The following GPHN variants were observed in gnomAD, a reference collection of about 807,000 sequenced individuals.
GPHN encodes gephyrin.
A neutral mutation model predicts 95.5 loss-of-function variants in GPHN; 17 were observed. That is an observed-to-expected ratio of 0.18 (90% CI 0.12 to 0.27). The LOEUF (loss-of-function observed/expected upper bound fraction) is 0.27, where lower values mean the gene tolerates loss of function less well. Ranked by LOEUF, GPHN falls within the 10% of genes least tolerant of loss-of-function variation. The probability of loss-of-function intolerance (pLI) is 1.00; values close to 1 mark genes in which losing one functional copy is unlikely to be tolerated. For synonymous variants in GPHN, 320 were observed against 322.5 expected, an observed-to-expected ratio of 0.99 and a Z score of 0.08; for missense variants, 660 against 978.1, an observed-to-expected ratio of 0.67 and a Z score of 4.34.
intron 4 of GPHN, among the ~76,000 whole-genome samples, chr14:66,828,930 T>C (rs1280556806): frequency 6.6e-6 from 1 of 152,110 alleles, no homozygotes; most frequent in Non-Finnish European, 1.5e-5. Flanking sequence ...ATATGGTTCA[T>C]CTGATACTTG....
intron 18 of GPHN, among the ~76,000 whole-genome samples, chr14:67,150,292 A>T (rs2081177649): frequency 6.6e-6 from 1 of 151,052 alleles, no homozygotes; most frequent in Non-Finnish European, 1.5e-5. Context: ...ACTACAAAAA[A>T]TAGCCGGGCG....
intron 5 of GPHN, among the ~76,000 whole-genome samples, chr14:66,894,144 G>A (rs894463621): frequency 1.3e-5 from 2 of 152,030 alleles, no homozygotes; most frequent in African/African-American, 4.8e-5. Flanking sequence ...AAACAGCATG[G>A]TACTGGTACC....
At chr14:67,731,339 C>T in the GPHN span, among the ~76,000 whole-genome samples, 2 of 150,848 alleles carry the variant, frequency 1.3e-5, no homozygotes, top group Non-Finnish European at 3.0e-5. Flanking sequence ...CTCAGCCTCC[C>T]GAGTAGCTGG....
the GPHN span, among the ~76,000 whole-genome samples, chr14:67,668,419 G>A: frequency 2.0e-5 from 3 of 152,328 alleles, no homozygotes; most frequent in South Asian, 6.2e-4. Flanking sequence ...ATTGTCTCTA[G>A]TATCATTCAA....
At chr14:67,586,638 A>C in the GPHN span, 1 of 434,168 alleles carries the variant, frequency 2.3e-6, no homozygotes, top group Non-Finnish European at 4.0e-6. Flanking sequence ...TACAAAGGCT[A>C]AGTTCTGATT....
chr14:66,953,380 A>G (rs1201467640), intron 8 of GPHN, among the ~76,000 whole-genome samples: 1 of 151,998 alleles, frequency 6.6e-6, no homozygotes, highest in Non-Finnish European at 1.5e-5. Flanking sequence ...TTTTGGTGTC[A>G]TATCTAAAAA....
chr14:67,484,884 C>T, the GPHN span, among the ~76,000 whole-genome samples: 1 of 152,202 alleles, frequency 6.6e-6, no homozygotes, highest in African/African-American at 2.4e-5. Flanking sequence ...CTGCAACCTG[C>T]CATTTTTACT....
intron 8 of GPHN, among the ~76,000 whole-genome samples, chr14:66,954,022 CA>C (rs1344320135): frequency 1.7e-5 from 2 of 116,092 alleles, no homozygotes; most frequent in East Asian, 4.9e-4. Flanking sequence ...GCAACAAGAG[CA>C]AAACTCGGTC....
At position 66,677,720 on chromosome 14, in the gene GPHN, G is replaced by A. The variant is rs543915100; in HGVS notation, c.65-3387G>A. On this transcript the variant is annotated intron_variant, in intron 1 of 22. Transcript: ENST00000478722. ...TAACATGTGGTCTGTCTTGTAGAAT[G>A]TTCTATGTGCTGATGTCAAAAAATG... 8.2e-4 allele frequency among the ~76,000 whole-genome samples: 124 copies of A among 152,078 alleles called. 1 individual carries two copies. The highest frequency in any genetic ancestry group is 1.5e-3 in the South Asian group (7 of 4,824).
At chr14:66,863,209 A>G (rs942481918) in intron 4 of GPHN, among the ~76,000 whole-genome samples, 6 of 151,148 alleles carry the variant, frequency 4.0e-5, no homozygotes, top group Non-Finnish European at 8.9e-5. Context: ...AGAAAAAAAA[A>G]AAAGTCCCAT....
At chr14:67,110,742 T>C (rs1221297020) in intron 14 of GPHN, among the ~76,000 whole-genome samples, 1 of 152,194 alleles carries the variant, frequency 6.6e-6, no homozygotes, top group African/African-American at 2.4e-5. Context: ...AGTTCTTGAA[T>C]ATTACACTAA....
chr14:67,625,406 C>T, the GPHN span, among the ~76,000 whole-genome samples: 10 of 152,204 alleles, frequency 6.6e-5, 1 homozygote, highest in South Asian at 1.0e-3. Flanking sequence ...GGGCCAGGCA[C>T]GGTGGCTCAC....
At chr14:67,202,976 A>G in the GPHN span, 1 of 1,099,738 alleles carries the variant, frequency 9.1e-7, no homozygotes, top group Non-Finnish European at 1.3e-6. Flanking sequence ...GAAGGAACAA[A>G]TATATCATGG....
At chr14:66,893,389 A>C (rs112301551) in intron 5 of GPHN, among the ~76,000 whole-genome samples, 87 of 152,268 alleles carry the variant, frequency 5.7e-4, no homozygotes, top group African/African-American at 2.1e-3. Context: ...ATTTATGACA[A>C]ACCCACAGCC....
chr14:67,144,174 C>T (rs1423527864), intron 18 of GPHN, among the ~76,000 whole-genome samples: 1 of 144,148 alleles, frequency 6.9e-6, no homozygotes, highest in East Asian at 2.1e-4. Context: ...GTGGTCAAGG[C>T]TGCAGTGAGC....
At chr14:66,539,443 T>C (rs1268654077) in intron 1 of GPHN, among the ~76,000 whole-genome samples, 1 of 140,424 alleles carries the variant, frequency 7.1e-6, no homozygotes, top group African/African-American at 2.9e-5. Flanking sequence ...AGACAGAGTT[T>C]CGCTCTTGTT....
intron 16 of GPHN, among the ~76,000 whole-genome samples, chr14:67,116,215 C>T (rs559256990): frequency 6.7e-6 from 1 of 150,282 alleles, no homozygotes; most frequent in African/African-American, 2.5e-5. Flanking sequence ...GGTTACAGTG[C>T]GCAATGACCA....
At chr14:66,902,928 A>G (rs758842384) in intron 5 of GPHN, among the ~76,000 whole-genome samples, 50 of 152,066 alleles carry the variant, frequency 3.3e-4, no homozygotes, top group Non-Finnish European at 5.9e-4. Flanking sequence ...TTTGATTAGA[A>G]TTGCTATTAT....
the GPHN span, among the ~76,000 whole-genome samples, chr14:67,629,686 CTTT>C: frequency 6.6e-6 from 1 of 152,142 alleles, no homozygotes; most frequent in Non-Finnish European, 1.5e-5. Flanking sequence ...ACCCAGATTT[CTTT>C]TTTAATAGAA....
Sources: gnomAD v4.1 joint callset for allele counts (sites outside exome capture counted in the v4.1 genomes callset) on GRCh38, gnomAD v4.1.1 for gene constraint, MANE v1.5 for transcripts, NCBI Gene and HGNC (gene_info 2026-07-23, HGNC 2026-07-21) for gene names.